The following CDH4 variants were observed in gnomAD, a reference collection of about 807,000 sequenced individuals.
The protein encoded by CDH4 is cadherin 4.
CDH4 carries 33 observed loss-of-function variants against 86.0 expected under a neutral mutation model. That is an observed-to-expected ratio of 0.38 (90% CI 0.29 to 0.51). CDH4 has a LOEUF of 0.51. CDH4 is among the 20% of genes least tolerant of loss of function. CDH4 has a pLI of 0.86. For synonymous variants in CDH4, 555 were observed against 549.4 expected (o/e 1.01, Z -0.14); for missense variants, 1,114 against 1,307.4 (o/e 0.85, Z 2.28).
intron 9 of CDH4, among the ~76,000 whole-genome samples, chr20:61,918,080 G>C (rs1009448114): frequency 1.3e-5 from 2 of 152,248 alleles, no homozygotes; most frequent in Non-Finnish European, 1.5e-5. Flanking sequence ...GGAGGGCCTG[G>C]GGGGGCAGCT....
At chr20:61,421,816 G>A (rs976710906) in intron 2 of CDH4, among the ~76,000 whole-genome samples, 3 of 152,192 alleles carry the variant, frequency 2.0e-5, no homozygotes, top group African/African-American at 7.2e-5. Flanking sequence ...CCCACTGGGT[G>A]TGCACTAGGG....
At chr20:61,670,008 A>G (rs1266062958) in intron 2 of CDH4, among the ~76,000 whole-genome samples, 1 of 152,166 alleles carries the variant, frequency 6.6e-6, no homozygotes, top group Non-Finnish European at 1.5e-5. Context: ...TACCCTTTCT[A>G]GCAGGAGCTG....
chr20:61,850,386 C>A (rs973201995), intron 5 of CDH4, among the ~76,000 whole-genome samples: 3 of 152,328 alleles, frequency 2.0e-5, no homozygotes, highest in African/African-American at 2.4e-5. Context: ...TCTCCAACAC[C>A]TTTACCCCTC....
rs776654032 is a variant in CDH4 at position 61,443,707 on chromosome 20, G to A, written c.169+188770G>A. ...TAAAATGAGCGCATCCGAAGGCTGC[G>A]ACTCATATGATTTATACGCGGGCAG... On this transcript the variant is annotated intron_variant, in intron 2 of 15. Transcript: ENST00000614565. 1.0e-3 allele frequency among the ~76,000 whole-genome samples: 157 copies of A among 152,246 alleles called. 1 individual carries two copies. Among genetic ancestry groups the A allele is most frequent in the Admixed American group, 2.1e-3 (32 of 15,294 alleles).
chr20:61,673,866 G>A (rs2087416913), intron 2 of CDH4, among the ~76,000 whole-genome samples: 2 of 152,230 alleles, frequency 1.3e-5, no homozygotes, highest in South Asian at 4.1e-4. Flanking sequence ...AAATGAGACA[G>A]AAGTCAGGGA....
chr20:61,716,251 CAGAT>C (rs1279607884), intron 2 of CDH4, among the ~76,000 whole-genome samples: 5 of 143,226 alleles, frequency 3.5e-5, no homozygotes, highest in African/African-American at 1.5e-4. Flanking sequence ...TATAAAGGGA[CAGAT>C]GCTCCTTCCC....
chr20:61,786,247 G>A (rs1310786207), intron 4 of CDH4, among the ~76,000 whole-genome samples: 1 of 152,058 alleles, frequency 6.6e-6, no homozygotes, highest in Non-Finnish European at 1.5e-5. Flanking sequence ...CCTCCTTCCT[G>A]GCCCCAGGCA....
intron 2 of CDH4, among the ~76,000 whole-genome samples, chr20:61,701,560 C>T (rs551961207): frequency 1.2e-4 from 18 of 152,300 alleles, no homozygotes; most frequent in African/African-American, 3.6e-4. Flanking sequence ...CTGTGGGCTT[C>T]GGGTCCTCAT....
intron 2 of CDH4, among the ~76,000 whole-genome samples, chr20:61,424,943 T>TA (rs1338392050): frequency 6.6e-6 from 1 of 152,128 alleles, no homozygotes; most frequent in African/African-American, 2.4e-5. Flanking sequence ...GAGCCAAATT[T>TA]AAAAAACTGG....
chr20:61,729,177 C>T (rs1054238387), intron 2 of CDH4, among the ~76,000 whole-genome samples: 2 of 152,170 alleles, frequency 1.3e-5, no homozygotes, highest in Non-Finnish European at 2.9e-5. Context: ...CGGTGCATGG[C>T]GCATTGGTGG....
intron 2 of CDH4, among the ~76,000 whole-genome samples, chr20:61,260,865 C>A (rs181185440): frequency 6.6e-6 from 1 of 152,162 alleles, no homozygotes; most frequent in East Asian, 1.9e-4. Context: ...AAGTATATAT[C>A]CTGTCTTTAG....
At chr20:61,521,731 C>G (rs569316665) in intron 2 of CDH4, among the ~76,000 whole-genome samples, 9 of 152,218 alleles carry the variant, frequency 5.9e-5, no homozygotes, top group African/African-American at 1.9e-4. Flanking sequence ...TGGGTGTGGG[C>G]CCCCCTGCAG....
chr20:61,441,388 C>T (rs1289068724), intron 2 of CDH4, among the ~76,000 whole-genome samples: 1 of 152,216 alleles, frequency 6.6e-6, no homozygotes, highest in African/African-American at 2.4e-5. Context: ...GCTGGGCAGG[C>T]TTCTGGGCTC....
chr20:61,254,745 C>A, intron 1 of CDH4, 81 bp from the exon 2 acceptor site: 2 of 929,290 alleles, frequency 2.2e-6, no homozygotes, highest in South Asian at 1.4e-5. Context: ...AGACCTTTTA[C>A]ACAGCAGGCC....
In CDH4 at chr20:61,510,686, C is replaced by T. The variant is rs998303966; in HGVS notation, c.170-232877C>T. Among the ~76,000 whole-genome samples the T allele has an allele frequency of 2.2e-4, 33 of 152,038 alleles. No individual in the cohort carries two copies. Among genetic ancestry groups the T allele is most frequent in the African/African-American group, 7.2e-4 (30 of 41,448 alleles). ...ATTACTTGCTTGGGGGATTATGAGG[C>T]GGGAAGGTGTGCCCTCCATTATATA... On this transcript the variant is annotated intron_variant, in intron 2 of 15. Transcript: ENST00000614565. The surrounding 1 kb of genome is among the most constrained non-coding windows in gnomAD (Gnocchi z 4.2).
intron 2 of CDH4, chr20:61,437,317 A>G (rs1186685882): frequency 6.6e-6 from 1 of 152,086 alleles, no homozygotes; most frequent in Admixed American, 6.5e-5. Context: ...GGTATATGTT[A>G]TTTTCCTCTG....
intron 2 of CDH4, among the ~76,000 whole-genome samples, chr20:61,602,743 G>A (rs374662155): frequency 1.4e-5 from 2 of 143,938 alleles, no homozygotes; most frequent in Non-Finnish European, 3.0e-5. Context: ...CTGTCTCCCA[G>A]GTGCTGTGTG....
intron 2 of CDH4, among the ~76,000 whole-genome samples, chr20:61,557,498 C>T (rs1264426878): frequency 6.6e-6 from 1 of 152,196 alleles, no homozygotes; most frequent in African/African-American, 2.4e-5. Context: ...AAATTTTATG[C>T]CCTCCAGGAC....
At chr20:61,893,441 TG>T (rs997057554) in intron 7 of CDH4, among the ~76,000 whole-genome samples, 1 of 144,646 alleles carries the variant, frequency 6.9e-6, no homozygotes, top group Non-Finnish European at 1.5e-5. Flanking sequence ...AATGGATGGG[TG>T]GGTGAATAGA....
Sources: gnomAD v4.1 joint callset for allele counts (sites outside exome capture counted in the v4.1 genomes callset) on GRCh38, gnomAD v4.1.1 for gene constraint, Gnocchi (gnomAD v3.1) non-coding constraint, MANE v1.5 for transcripts, NCBI Gene and HGNC (gene_info 2026-07-23, HGNC 2026-07-21) for gene names.